Variants in IL1RAPL2 observed in about 807,000 individuals in gnomAD.
The protein encoded by IL1RAPL2 is X-linked interleukin-1 receptor accessory protein-like 2.
Under a neutral mutation model 44.1 loss-of-function variants are expected in IL1RAPL2, and 3 were observed. The ratio of observed to expected loss-of-function variants is 0.07; its 90% CI spans 0.03 to 0.18. The LOEUF is 0.18. IL1RAPL2 is among the 10% of genes least tolerant of loss of function. The pLI is 1.00. For missense variants in IL1RAPL2, 391 were observed against 496.4 expected (o/e 0.79, Z 2.02); for synonymous variants, 181 against 178.8 (o/e 1.01, Z -0.10).
rs138725926 is a variant in IL1RAPL2 at position 105,344,664 on chromosome X, T to C, written c.697+77123T>C. 3.2e-3 allele frequency among the ~76,000 whole-genome samples: 355 copies of C among 111,590 alleles called. 3 individuals are homozygous for C. Among genetic ancestry groups the C allele is most frequent in the African/African-American group, 0.011 (342 of 30,733 alleles). On this transcript the variant is annotated intron_variant, in intron 5 of 10. Transcript: ENST00000372582. ...AGTATACTTGACTTTACTTAAGAAT[T>C]GAAGTGATTAGAAGAGGGAGCATCT...
chrX:104,807,068 G>A (rs1009410451), intron 2 of IL1RAPL2, among the ~76,000 whole-genome samples: 14 of 110,835 alleles, frequency 1.3e-4, no homozygotes, highest in Admixed American at 1.1e-3. Context: ...AGCAGATAGG[G>A]CACCATGCTT....
intron 2 of IL1RAPL2, among the ~76,000 whole-genome samples, chrX:104,989,626 C>T (rs2030624320): frequency 9.0e-6 from 1 of 111,508 alleles, no homozygotes; most frequent in Admixed American, 9.6e-5. Flanking sequence ...AAAAAATGAA[C>T]ATATGACTAT....
At chrX:104,704,104 G>A (rs908793305) in intron 2 of IL1RAPL2, among the ~76,000 whole-genome samples, 1 of 112,020 alleles carries the variant, frequency 8.9e-6, no homozygotes, top group Admixed American at 9.5e-5. Context: ...GACTTATGTG[G>A]CATGGTGGCA....
intron 2 of IL1RAPL2, among the ~76,000 whole-genome samples, chrX:105,081,502 C>T (rs1318264295): frequency 9.0e-6 from 1 of 111,454 alleles, no homozygotes; most frequent in Non-Finnish European, 1.9e-5. Context: ...CCTCAACAAC[C>T]CCTTTGGCGA....
At position 105,670,117 on chromosome X, in the gene IL1RAPL2, ATAT is replaced by A. The variant is rs1569463789; in HGVS notation, c.773-47249_773-47247del. On this transcript the variant is annotated intron_variant, in intron 6 of 10. Transcript: ENST00000372582. ...TTCTGGGTTTCCTGTATATATATAT[ATAT>A]ATATATATATATATATATATATATA... is the stretch of plus-strand genomic sequence containing the variant. 8.0e-5 allele frequency among the ~76,000 whole-genome samples: 3 copies of A among 37,427 alleles called. 1 individual carries two copies. In the East Asian group the frequency reaches 1.7e-3, roughly 21 times the overall value. The allele number at this position is 37,427 out of a possible 115,157, so 32.5% of individuals were successfully genotyped here.
At chrX:105,071,793 G>C (rs899398174) in intron 2 of IL1RAPL2, among the ~76,000 whole-genome samples, 1 of 111,732 alleles carries the variant, frequency 8.9e-6, no homozygotes, top group African/African-American at 3.3e-5. Context: ...TTCCATACGT[G>C]GTGTTAGGAA....
chrX:105,157,254 T>G (rs1432074126), intron 2 of IL1RAPL2, among the ~76,000 whole-genome samples: 1 of 110,178 alleles, frequency 9.1e-6, no homozygotes, highest in East Asian at 2.9e-4. Flanking sequence ...GGATTGGAGG[T>G]TATTTTGTCT....
chrX:105,535,580 A>G (rs1334592628), intron 6 of IL1RAPL2, among the ~76,000 whole-genome samples: 2 of 112,049 alleles, frequency 1.8e-5, no homozygotes, highest in African/African-American at 6.5e-5. Flanking sequence ...TAAATAAACC[A>G]TGGTACATCC....
chrX:104,743,136 G>A (rs1337355865), intron 2 of IL1RAPL2, among the ~76,000 whole-genome samples: 3 of 110,446 alleles, frequency 2.7e-5, no homozygotes, highest in Non-Finnish European at 5.7e-5. Flanking sequence ...GATTTAATTG[G>A]CCTTAAAATG....
chrX:105,021,741 A>G (rs1176750933), intron 2 of IL1RAPL2, among the ~76,000 whole-genome samples: 1 of 111,675 alleles, frequency 9.0e-6, no homozygotes, highest in Non-Finnish European at 1.9e-5. Context: ...GCCCAAAACA[A>G]TACGTGGGTA....
At chrX:105,224,687 C>G (rs782491273) in intron 3 of IL1RAPL2, among the ~76,000 whole-genome samples, 1 of 111,690 alleles carries the variant, frequency 9.0e-6, no homozygotes, top group African/African-American at 3.3e-5. Flanking sequence ...TAAGGCCAAA[C>G]CTTTGTGAAT....
chrX:105,191,709 C>A (rs782035024), intron 2 of IL1RAPL2, among the ~76,000 whole-genome samples: 1 of 112,039 alleles, frequency 8.9e-6, no homozygotes, highest in African/African-American at 3.2e-5. Flanking sequence ...GTTTTCAAAT[C>A]CAGGGACAAG....
chrX:105,380,793 C>T (rs1172876568), intron 5 of IL1RAPL2, among the ~76,000 whole-genome samples: 2 of 111,647 alleles, frequency 1.8e-5, no homozygotes. Context: ...TATTGATTGG[C>T]TTCTTTATTG....
intron 2 of IL1RAPL2, among the ~76,000 whole-genome samples, chrX:104,806,156 C>A (rs1932921138): frequency 8.9e-6 from 1 of 111,743 alleles, no homozygotes; most frequent in South Asian, 3.8e-4. Flanking sequence ...TGAGAGTACA[C>A]CTGGGCCTTG....
intron 2 of IL1RAPL2, among the ~76,000 whole-genome samples, chrX:104,799,371 G>A (rs2147612413): frequency 9.0e-6 from 1 of 111,598 alleles, no homozygotes; most frequent in South Asian, 3.8e-4. Flanking sequence ...GAGCATCAAT[G>A]TGTATCAGAA....
intron 2 of IL1RAPL2, among the ~76,000 whole-genome samples, chrX:104,955,877 C>T (rs936672400): frequency 9.0e-6 from 1 of 111,221 alleles, no homozygotes; most frequent in Non-Finnish European, 1.9e-5. Context: ...TAAAAATGAC[C>T]AGAGAACATG....
intron 6 of IL1RAPL2, among the ~76,000 whole-genome samples, chrX:105,692,669 GAAA>G (rs11298771): frequency 2.0e-5 from 2 of 98,501 alleles, no homozygotes; most frequent in Non-Finnish European, 2.0e-5. Flanking sequence ...AATGCTGAAT[GAAA>G]AAAAAAAAAA....
intron 2 of IL1RAPL2, among the ~76,000 whole-genome samples, chrX:105,163,067 A>C (rs2033340804): frequency 8.9e-6 from 1 of 111,880 alleles, no homozygotes; most frequent in Admixed American, 9.5e-5. Flanking sequence ...ACTATGACCC[A>C]GGGGCTAAAT....
chrX:105,077,587 G>C (rs1464758247), intron 2 of IL1RAPL2, among the ~76,000 whole-genome samples: 5 of 111,287 alleles, frequency 4.5e-5, no homozygotes, highest in Non-Finnish European at 5.7e-5. Context: ...TTGAATGTTG[G>C]CCTGCCTTGC....
Sources: allele counts gnomAD v4.1 joint callset (sites outside exome capture counted in the v4.1 genomes callset), GRCh38; gene constraint gnomAD v4.1.1; transcripts MANE v1.5; gene names NCBI Gene and HGNC (gene_info 2026-07-23, HGNC 2026-07-21).